The following TMEM202 variants were observed in gnomAD, a reference collection of about 807,000 sequenced individuals.
TMEM202 encodes the protein transmembrane protein 202.
In TMEM202, 25 loss-of-function variants were observed where a neutral mutation model predicts 26.1. The ratio of observed to expected loss-of-function variants is 0.96; its 90% CI spans 0.70 to 1.34. The LOEUF is 1.34. Ranked by LOEUF, TMEM202 falls within the 40% of genes most tolerant of loss-of-function variation. The pLI is 0.00. For missense variants in TMEM202, 301 were observed against 327.7 expected (o/e 0.92, Z 0.63); for synonymous variants, 122 against 119.0 (o/e 1.02, Z -0.16).
At chr15:72,405,240 G>T (rs889149434) in intron 2 of TMEM202, among the ~76,000 whole-genome samples, 1 of 152,228 alleles carries the variant, frequency 6.6e-6, no homozygotes, top group Non-Finnish European at 1.5e-5. Context: ...ACTGGGGTGG[G>T]GGTGAGCTGG....
chr15:72,407,985 T>A lies in TMEM202; in HGVS notation c.*92T>A, dbSNP rs1385718343. 23 of 1,019,798 alleles carry A rather than the reference T, an allele frequency of 2.3e-5. No individual in the cohort carries two copies. The highest frequency in any genetic ancestry group is 3.0e-5 in the Non-Finnish European group (21 of 691,130). The allele number at this position is 1,019,798 out of a possible 1,614,324, so 63.2% of individuals were successfully genotyped here. ...ATTCTGGGAAACTCTCCTAATATCA[T>A]GTCCATATTACTTGAGGAGACAGCA... On this transcript the variant is annotated 3_prime_UTR_variant, in exon 5 of 5. Transcript: ENST00000341689.
rs1413372209 is a variant in TMEM202 at position 72,406,747 on chromosome 15, C to T, written c.483C>T (p.Ile161=). The change falls in exon 3 of 5, where the codon ATC becomes ATT. Residue 161 remains isoleucine, a synonymous_variant. Transcript: ENST00000341689. Reference sequence around the variant, plus strand: ...TGAAGGTATCCATGCTCAGCTTCATCTCAGGTACAGACCTAGACTGGCAGG... The same window carrying T: ...TGAAGGTATCCATGCTCAGCTTCATTTCAGGTACAGACCTAGACTGGCAGG... ...LDLKVSMLSF[I]SATCLLLCLN... is the part of the protein sequence containing the mutation. The T allele has an allele frequency of 3.1e-6, 5 of 1,614,084 alleles. No homozygotes were observed. In the Admixed American group the frequency reaches 8.3e-5, roughly 27 times the overall value.
At position 72,406,619 on chromosome 15, in the gene TMEM202, A is replaced by G; in HGVS notation, c.355A>G (p.Arg119Gly). The G allele has an allele frequency of 1.2e-6, 2 of 1,613,850 alleles. No homozygotes were observed. The highest frequency in any genetic ancestry group is 1.7e-6 in the Non-Finnish European group (2 of 1,179,890). Residue 119 changes from arginine to glycine, a missense_variant, in exon 3 of 5, where the codon AGG becomes GGG. Physicochemically the swap from Arg to Gly is moderately radical, Grantham distance 125 (BLOSUM62 -2). Transcript: ENST00000341689. ...PKPPYYLQYS[R>G]AFFLISVFTI... The stretch of plus-strand genomic sequence containing the variant: ...TCATGCAGATTATCTCCAATATTCC[A>G]GGGCCTTCTTTCTCATCTCTGTCTT...
At chr15:72,401,274 G>T (rs1595824289) in intron 2 of TMEM202, among the ~76,000 whole-genome samples, 1 of 152,248 alleles carries the variant, frequency 6.6e-6, no homozygotes, top group East Asian at 1.9e-4. Context: ...GAGTTGTTCT[G>T]GTTCAAACAC....
chr15:72,403,821 C>T (rs2063559586), intron 2 of TMEM202, among the ~76,000 whole-genome samples: 1 of 152,066 alleles, frequency 6.6e-6, no homozygotes, highest in Non-Finnish European at 1.5e-5. Context: ...TATGATTATT[C>T]CTAATAGACT....
At chr15:72,404,424 G>T (rs570166752) in intron 2 of TMEM202, among the ~76,000 whole-genome samples, 21 of 151,552 alleles carry the variant, frequency 1.4e-4, no homozygotes, top group African/African-American at 5.1e-4. Flanking sequence ...CAAAGAAAAA[G>T]ATAAAGAAAA....
intron 2 of TMEM202, among the ~76,000 whole-genome samples, chr15:72,402,555 G>A (rs1396929661): frequency 6.6e-6 from 1 of 152,174 alleles, no homozygotes; most frequent in Admixed American, 6.5e-5. Context: ...GGGATGGGGA[G>A]GAAAGGACAG....
chr15:72,398,490 G>A, intron 1 of TMEM202, 83 bp downstream of exon 1: 1 of 1,420,096 alleles, frequency 7.0e-7, no homozygotes, highest in South Asian at 1.4e-5. Flanking sequence ...CCTAAAGACA[G>A]AAAAGATCAC....
At chr15:72,407,297 T>G in intron 4 of TMEM202, 80 bp downstream of exon 4, 5 of 1,488,764 alleles carry the variant, frequency 3.4e-6, no homozygotes, top group Non-Finnish European at 4.6e-6. Flanking sequence ...CCAGGAGAAA[T>G]AGAAGCACTG....
intron 2 of TMEM202, among the ~76,000 whole-genome samples, chr15:72,401,098 C>T (rs1355216330): frequency 6.6e-6 from 1 of 152,096 alleles, no homozygotes; most frequent in African/African-American, 2.4e-5. Flanking sequence ...TTGGTTTTAG[C>T]GGGTTTTGGC....
Position 72,405,758 on chromosome 15 carries a change from C to T in TMEM202, c.338-844C>T, listed in dbSNP as rs371866508. ...ATCCCAGCACTTTGAGAGGTCAAGG[C>T]GGGCAGATCACCTGAGGTCAGGAGT... On this transcript the variant is annotated intron_variant, in intron 2 of 4. Coordinates refer to ENST00000341689, the MANE Select transcript of TMEM202 (RefSeq NM_001080462.3). Among the ~76,000 whole-genome samples the T allele has an allele frequency of 4.6e-5, 7 of 151,942 alleles. No homozygotes were observed. In the South Asian group the frequency reaches 6.2e-4, roughly 14 times the overall value.
chr15:72,399,236 C>T lies in TMEM202; in HGVS notation c.337+328C>T, dbSNP rs144199639. On this transcript the variant is annotated intron_variant, in intron 2 of 4. Transcript: ENST00000341689. ...CACTGCAGCCTCCACCTCCAGGACT[C>T]AAGCAATCTTCCTGTTCAACCTCCT... Among the ~76,000 whole-genome samples, 26 of 152,356 alleles carry T rather than the reference C, an allele frequency of 1.7e-4. No homozygotes were observed. In the East Asian group the frequency reaches 5.0e-3, roughly 29 times the overall value.
rs1173533708 is a variant in TMEM202 at position 72,407,861 on chromosome 15, A to G, written c.790A>G (p.Lys264Glu). ...GATGGAATCTCTAAGTGTGAGAGAG[A>G]AAAATTTACCAAAGTCAGGACTGTG... ...SEMESLSVREKNLPKSGLWW is the reference protein window; with the variant it reads ...SEMESLSVREENLPKSGLWW Residue 264 changes from lysine (K) to glutamate (E), a missense_variant, in exon 5 of 5, where the codon AAA becomes GAA. Lys to Glu is a moderately conservative substitution (Grantham distance 56). Transcript: ENST00000341689. 2.5e-6 allele frequency: 4 copies of G among 1,613,844 alleles called. No homozygotes were observed. The highest frequency in any genetic ancestry group is 3.4e-6 in the Non-Finnish European group (4 of 1,180,016).
chr15:72,402,225 C>A (rs1183340542), intron 2 of TMEM202, among the ~76,000 whole-genome samples: 2 of 152,200 alleles, frequency 1.3e-5, no homozygotes, highest in African/African-American at 4.8e-5. Flanking sequence ...CTCGGCCTCC[C>A]AAAGTGCTCA....
intron 2 of TMEM202, 120 bp from the exon 3 acceptor site, chr15:72,406,482 A>G: frequency 1.4e-6 from 1 of 739,354 alleles, no homozygotes; most frequent in Non-Finnish European, 2.2e-6. Flanking sequence ...GATGTCATGT[A>G]GCAAGCTCTG....
intron 2 of TMEM202, among the ~76,000 whole-genome samples, chr15:72,400,750 A>T (rs1426453783): frequency 1.3e-5 from 2 of 151,958 alleles, no homozygotes; most frequent in Non-Finnish European, 2.9e-5. Context: ...CATAGAGTAA[A>T]GTGAAAGCAA....
intron 1 of TMEM202, 116 bp downstream of exon 1, chr15:72,398,523 T>G: frequency 7.0e-7 from 1 of 1,431,058 alleles, no homozygotes; most frequent in Non-Finnish European, 9.4e-7. Context: ...GGGGTTTTTT[T>G]TTTTTAGGAG....
rs2063534262 is a variant in TMEM202 at position 72,398,784 on chromosome 15, G to T, written c.213G>T (p.Leu71=). ...TCTGTAGTTTTAGCCTCCTAATGCT[G>T]ATCGCCATGTCCCCACTGAACTGGG... The part of the protein sequence containing the change: ...GSLCSFSLLM[L]IAMSPLNWVQ... Residue 71 remains leucine, a synonymous_variant, in exon 2 of 5, where the codon CTG becomes CTT. Coordinates refer to ENST00000341689, the MANE Select transcript of TMEM202 (RefSeq NM_001080462.3). 6.2e-7 allele frequency: 1 copy of T among 1,614,174 alleles called. No homozygotes were observed. The highest frequency in any genetic ancestry group is 8.5e-7 in the Non-Finnish European group (1 of 1,180,032).
chr15:72,402,186 G>T (rs2063550622), intron 2 of TMEM202, among the ~76,000 whole-genome samples: 1 of 152,102 alleles, frequency 6.6e-6, no homozygotes. Flanking sequence ...GGCAGGTCTT[G>T]AACTCCTGAT....
Sources: allele counts gnomAD v4.1 joint callset (sites outside exome capture counted in the v4.1 genomes callset), GRCh38; gene constraint gnomAD v4.1.1; transcripts MANE v1.5; gene names NCBI Gene and HGNC (gene_info 2026-07-23, HGNC 2026-07-21).